TMEM91: variants seen among roughly 807,000 people sequenced by gnomAD.
The protein encoded by TMEM91 is dispanin subfamily C member 3.
In TMEM91, 6 loss-of-function variants were observed where a neutral mutation model predicts 13.3. The ratio of observed to expected loss-of-function variants is 0.45; its 90% confidence interval spans 0.25 to 0.89. TMEM91 has a LOEUF of 0.89. TMEM91 is among the 40% of genes least tolerant of loss of function. The pLI, the probability that TMEM91 is intolerant of heterozygous loss-of-function variation, is 0.19. For missense variants in TMEM91, 193 were observed against 228.7 expected, an observed-to-expected ratio of 0.84 and a Z score of 1.01; for synonymous variants, 87 against 101.7, an observed-to-expected ratio of 0.86 and a Z score of 0.87.
intron 1 of TMEM91, among the ~76,000 whole-genome samples, chr19:41,368,269 T>C (rs940419938): frequency 5.3e-5 from 8 of 151,280 alleles, no homozygotes; most frequent in African/African-American, 1.9e-4. Flanking sequence ...AAAAAAAAAA[T>C]AGCAGGGCAT....
chr19:41,375,485 A>C (rs1260678673), upstream of TMEM91, among the ~76,000 whole-genome samples: 1 of 151,030 alleles, frequency 6.6e-6, no homozygotes. Context: ...TCACCGTGTC[A>C]GCCAGGATGG....
intron 1 of TMEM91, among the ~76,000 whole-genome samples, chr19:41,371,514 G>A (rs957947010): frequency 4.6e-5 from 7 of 151,338 alleles, no homozygotes; most frequent in African/African-American, 1.7e-4. Context: ...CCACCTCCTG[G>A]GTTCCAGTGA....
At chr19:41,372,421 A>G (rs914997382), upstream of TMEM91, among the ~76,000 whole-genome samples, 3 of 151,940 alleles carry the variant, frequency 2.0e-5, no homozygotes, top group South Asian at 2.1e-4. Flanking sequence ...GGCTCAGGCA[A>G]TCCTCCTGCT....
At chr19:41,382,369 A>C (rs922145835) in intron 2 of TMEM91, among the ~76,000 whole-genome samples, 1 of 151,964 alleles carries the variant, frequency 6.6e-6, no homozygotes, top group Non-Finnish European at 1.5e-5. Flanking sequence ...CATGCCTGTA[A>C]TCCTGGCACT....
At chr19:41,378,905 T>C (rs1181280807) in intron 2 of TMEM91, among the ~76,000 whole-genome samples, 2 of 151,846 alleles carry the variant, frequency 1.3e-5, no homozygotes, top group Non-Finnish European at 2.9e-5. Flanking sequence ...GATCATAGTT[T>C]ACTGCAACCT....
At chr19:41,368,538 T>C (rs754704668) in intron 1 of TMEM91, among the ~76,000 whole-genome samples, 2 of 151,762 alleles carry the variant, frequency 1.3e-5, no homozygotes, top group Non-Finnish European at 2.9e-5. Context: ...GCCTCCCAAG[T>C]AGCTGGGATT....
In TMEM91 at chr19:41,382,929, T is replaced by C; in HGVS notation, c.360+8T>C. 1 of 1,613,612 alleles carries C rather than the reference T, an allele frequency of 6.2e-7. No homozygotes were observed. The highest frequency in any genetic ancestry group is 8.5e-7 in the Non-Finnish European group (1 of 1,179,768). ...TTCTGTCTAGCCCAGAAGGTCAGTC[T>C]GTGTGTGGGACTTGGAGGGGACTGG... On this transcript the variant is annotated splice_region_variant and intron_variant, in intron 3 of 3. Coordinates refer to ENST00000392002, the MANE Select transcript of TMEM91 (RefSeq NM_001098821.2).
intron 1 of TMEM91, among the ~76,000 whole-genome samples, chr19:41,368,003 C>A (rs557430868): frequency 2.8e-4 from 43 of 152,108 alleles, no homozygotes; most frequent in Non-Finnish European, 4.3e-4. Flanking sequence ...CAGGAAAAAG[C>A]AGAAGTTGTA....
At chr19:41,377,819 T>C (rs1035681709) in intron 1 of TMEM91, among the ~76,000 whole-genome samples, 1 of 151,456 alleles carries the variant, frequency 6.6e-6, no homozygotes, top group Non-Finnish European at 1.5e-5. Context: ...GGGACCAGCC[T>C]GGTTAACACA....
At chr19:41,373,865 C>T (rs944366366), upstream of TMEM91, 1 of 151,534 alleles carries the variant, frequency 6.6e-6, no homozygotes, top group East Asian at 2.0e-4. Flanking sequence ...GCCTTGCTGA[C>T]TGGGGTTTTG....
chr19:41,371,371 T>TCTC (rs2038618306), intron 1 of TMEM91, among the ~76,000 whole-genome samples: 1 of 132,642 alleles, frequency 7.5e-6, no homozygotes, highest in African/African-American at 3.0e-5. Context: ...CCTTCCTTCT[T>TCTC]TCCTTCCTTC....
intron 2 of TMEM91, 57 bp from the exon 3 acceptor site, chr19:41,382,715 G>A (rs1263758842): frequency 9.5e-6 from 15 of 1,583,846 alleles, no homozygotes; most frequent in Non-Finnish European, 1.3e-5. Context: ...GGAGAGCAGA[G>A]CAATGGGGCA....
chr19:41,372,283 T>A (rs1306382166), upstream of TMEM91, among the ~76,000 whole-genome samples: 1 of 152,070 alleles, frequency 6.6e-6, no homozygotes, highest in Non-Finnish European at 1.5e-5. Flanking sequence ...GAGGCAGAAT[T>A]TGCAGTGAGC....
At chr19:41,383,101 T>C in intron 3 of TMEM91, 180 bp downstream of exon 3, 1 of 791,020 alleles carries the variant, frequency 1.3e-6, no homozygotes, top group Non-Finnish European at 2.0e-6. Context: ...TCGCCCAGGC[T>C]GGAGTGCAGT....
intron 1 of TMEM91, among the ~76,000 whole-genome samples, chr19:41,371,415 CTCTCTCT>C (rs1399684765): frequency 0.012 from 315 of 26,566 alleles, 7 homozygotes; most frequent in African/African-American, 0.036. Context: ...CCTCCTTTCT[CTCTCTCT>C]CTTTCTCTCT....
At chr19:41,379,540 G>A (rs2038820275) in intron 2 of TMEM91, among the ~76,000 whole-genome samples, 1 of 149,210 alleles carries the variant, frequency 6.7e-6, no homozygotes, top group Admixed American at 6.8e-5. Flanking sequence ...GAAAAAGAGA[G>A]GGAGAGGGGG....
chr19:41,378,986 C>T (rs1009777637), intron 2 of TMEM91, among the ~76,000 whole-genome samples: 1 of 151,980 alleles, frequency 6.6e-6, no homozygotes, highest in Non-Finnish European at 1.5e-5. Flanking sequence ...CATGTGCCAC[C>T]ATGCCTGGCT....
chr19:41,383,265 G>A (rs922825961), intron 3 of TMEM91: 12 of 378,546 alleles, frequency 3.2e-5, no homozygotes, highest in Admixed American at 8.5e-5. Context: ...CGTTGGCCAC[G>A]CTGGTCTCGA....
upstream of TMEM91, among the ~76,000 whole-genome samples, chr19:41,371,641 A>T (rs1316059135): frequency 6.6e-6 from 1 of 151,514 alleles, no homozygotes; most frequent in African/African-American, 2.4e-5. Context: ...GATGATCTCG[A>T]TCTCTTGACC....
Sources: allele counts gnomAD v4.1 joint callset (sites outside exome capture counted in the v4.1 genomes callset), GRCh38; gene constraint gnomAD v4.1.1; transcripts MANE v1.5; gene names NCBI Gene and HGNC (gene_info 2026-07-23, HGNC 2026-07-21).